Variants in GALNT17 observed in about 807,000 individuals in gnomAD.
The protein encoded by GALNT17 is UDP-GalNAc:polypeptide N-acetylgalactosaminyltransferase-like 3.
Under a neutral mutation model 63.7 loss-of-function variants are expected in GALNT17, and 29 were observed. The observed-to-expected ratio is 0.46, with a 90% CI of 0.34 to 0.62. GALNT17 has a LOEUF of 0.62. GALNT17 is among the 20% of genes least tolerant of loss of function. The pLI, the probability that GALNT17 is intolerant of heterozygous loss-of-function variation, is 0.01. For missense variants in GALNT17, 603 were observed against 799.6 expected (o/e 0.75, Z 2.97); for synonymous variants, 305 against 318.3 (o/e 0.96, Z 0.45).
chr7:71,295,524 C>T (rs559228016), intron 1 of GALNT17, among the ~76,000 whole-genome samples: 1 of 151,496 alleles, frequency 6.6e-6, no homozygotes, highest in African/African-American at 2.4e-5. Context: ...CTTTCTCTCT[C>T]CCTTCCTTCC....
chr7:71,657,092 G>T (rs1414732788), intron 6 of GALNT17, among the ~76,000 whole-genome samples: 1 of 152,066 alleles, frequency 6.6e-6, no homozygotes, highest in African/African-American at 2.4e-5. Context: ...AGAAACTCCT[G>T]GCCTCTAAAA....
intron 2 of GALNT17, among the ~76,000 whole-genome samples, chr7:71,344,578 C>T (rs942502420): frequency 1.3e-5 from 2 of 151,930 alleles, no homozygotes; most frequent in Non-Finnish European, 1.5e-5. Context: ...ATAATGATAA[C>T]TGTGGCAGAA....
intron 6 of GALNT17, among the ~76,000 whole-genome samples, chr7:71,591,038 G>A (rs1018324865): frequency 6.6e-6 from 1 of 151,982 alleles, no homozygotes; most frequent in African/African-American, 2.4e-5. Context: ...TGGGATTACA[G>A]GCATGAGCCA....
intron 6 of GALNT17, among the ~76,000 whole-genome samples, chr7:71,592,335 T>C (rs1437653897): frequency 6.6e-6 from 1 of 151,752 alleles, no homozygotes; most frequent in Non-Finnish European, 1.5e-5. Context: ...GCATGACGCT[T>C]AGGTGGGCTG....
At chr7:71,190,095 G>A (rs1400977200) in intron 1 of GALNT17, among the ~76,000 whole-genome samples, 1 of 152,186 alleles carries the variant, frequency 6.6e-6, no homozygotes, top group Non-Finnish European at 1.5e-5. Context: ...ACAGGCATGA[G>A]CCATAGCACC....
intron 6 of GALNT17, among the ~76,000 whole-genome samples, chr7:71,639,131 A>G (rs1790569607): frequency 1.3e-5 from 2 of 152,136 alleles, no homozygotes; most frequent in Non-Finnish European, 1.5e-5. Flanking sequence ...TTGAGGGGGG[A>G]TGAATACCCC....
chr7:71,472,608 C>T (rs1787651205), intron 5 of GALNT17, among the ~76,000 whole-genome samples: 1 of 152,172 alleles, frequency 6.6e-6, no homozygotes, highest in Non-Finnish European at 1.5e-5. Flanking sequence ...ATTGCTGGAA[C>T]CCAGGAGGCA....
chr7:71,307,903 G>C (rs779821140), intron 1 of GALNT17: 1 of 151,804 alleles, frequency 6.6e-6, no homozygotes, highest in Non-Finnish European at 1.5e-5. Flanking sequence ...TCATTGGGAT[G>C]CTTAGATCAC....
chr7:71,504,829 A>G (rs1380014030), intron 5 of GALNT17, among the ~76,000 whole-genome samples: 1 of 151,956 alleles, frequency 6.6e-6, no homozygotes, highest in Non-Finnish European at 1.5e-5. Context: ...TCACCTCTCA[A>G]TGCTACGTCC....
At chr7:71,521,534 G>A (rs1362415270) in intron 5 of GALNT17, among the ~76,000 whole-genome samples, 1 of 152,160 alleles carries the variant, frequency 6.6e-6, no homozygotes, top group Non-Finnish European at 1.5e-5. Flanking sequence ...GTGCTAATGT[G>A]GCAGCCTTTC....
intron 1 of GALNT17, among the ~76,000 whole-genome samples, chr7:71,290,927 C>T (rs143220413): frequency 3.4e-4 from 52 of 152,310 alleles, no homozygotes; most frequent in African/African-American, 1.2e-3. Context: ...GGCGACATCA[C>T]TCACCTTCTC....
intron 5 of GALNT17, among the ~76,000 whole-genome samples, chr7:71,568,564 A>G (rs1195090662): frequency 6.6e-6 from 1 of 152,166 alleles, no homozygotes; most frequent in Non-Finnish European, 1.5e-5. Context: ...CCAAATTACA[A>G]GTGAGAACAT....
At chr7:71,428,229 C>G (rs796923989) in intron 5 of GALNT17, among the ~76,000 whole-genome samples, 19 of 152,242 alleles carry the variant, frequency 1.2e-4, no homozygotes, top group African/African-American at 4.3e-4. Flanking sequence ...GACCCAGTGC[C>G]CATTAAGCAG....
intron 5 of GALNT17, among the ~76,000 whole-genome samples, chr7:71,507,557 T>TG (rs1313400370): frequency 6.6e-6 from 1 of 152,160 alleles, no homozygotes; most frequent in Non-Finnish European, 1.5e-5. Flanking sequence ...TTTGACCCCT[T>TG]GAGTTTGAAT....
intron 6 of GALNT17, among the ~76,000 whole-genome samples, chr7:71,611,701 T>C (rs1485096390): frequency 1.3e-5 from 2 of 151,716 alleles, no homozygotes; most frequent in African/African-American, 4.8e-5. Context: ...CCTAGGAAAA[T>C]GGAGAAATTA....
chr7:71,476,248 C>A (rs546569828), intron 5 of GALNT17, among the ~76,000 whole-genome samples: 1 of 152,262 alleles, frequency 6.6e-6, no homozygotes, highest in Non-Finnish European at 1.5e-5. Context: ...TGTGAGAGTG[C>A]GAAGGCACAA....
At chr7:71,438,282 G>A (rs1428410457) in intron 5 of GALNT17, among the ~76,000 whole-genome samples, 1 of 152,218 alleles carries the variant, frequency 6.6e-6, no homozygotes, top group Non-Finnish European at 1.5e-5. Context: ...ATGTTTGAGG[G>A]CAGGAAGCAT....
chr7:71,499,013 A>G (rs1788137351), intron 5 of GALNT17, among the ~76,000 whole-genome samples: 2 of 152,240 alleles, frequency 1.3e-5, no homozygotes, highest in Non-Finnish European at 1.5e-5. Flanking sequence ...GATGACCTGC[A>G]GGACATTGGA....
intron 1 of GALNT17, among the ~76,000 whole-genome samples, chr7:71,216,665 T>C (rs1029960272): frequency 7.4e-6 from 1 of 134,816 alleles, no homozygotes; most frequent in African/African-American, 2.6e-5. Context: ...AATACACATA[T>C]ATACACACAG....
Sources: gnomAD v4.1 joint callset for allele counts (sites outside exome capture counted in the v4.1 genomes callset) on GRCh38, gnomAD v4.1.1 for gene constraint, MANE v1.5 for transcripts, NCBI Gene and HGNC (gene_info 2026-07-23, HGNC 2026-07-21) for gene names.